Variants in PIP5K1B observed in about 807,000 individuals in gnomAD.
PIP5K1B encodes the protein phosphatidylinositol-4-phosphate 5-kinase type 1 beta.
PIP5K1B carries 42 observed loss-of-function variants against 67.0 expected under a neutral mutation model. The observed-to-expected ratio is 0.63, with a 90% CI of 0.49 to 0.81. The LOEUF (loss-of-function observed/expected upper bound fraction) is 0.81, where lower values mean the gene tolerates loss of function less well. PIP5K1B is among the 30% of genes least tolerant of loss of function. The probability of loss-of-function intolerance (pLI) is 0.00; values close to 1 mark genes in which losing one functional copy is unlikely to be tolerated. For missense variants in PIP5K1B, 459 were observed against 646.3 expected (o/e 0.71, Z 3.14); for synonymous variants, 214 against 231.4 (o/e 0.92, Z 0.68).
intron 14 of PIP5K1B, among the ~76,000 whole-genome samples, chr9:68,945,066 C>CTTT (rs575360583): frequency 3.6e-5 from 5 of 139,938 alleles, no homozygotes; most frequent in Non-Finnish European, 6.2e-5. Context: ...TGTTTGAGAC[C>CTTT]TTTTTTTTTT....
chr9:68,952,718 G>A (rs369436461), intron 14 of PIP5K1B, among the ~76,000 whole-genome samples: 49 of 151,742 alleles, frequency 3.2e-4, no homozygotes, highest in African/African-American at 9.2e-4. Flanking sequence ...TTGTCTTCTA[G>A]TTTCCAATTA....
chr9:68,735,314 G>GTATTTTTTTTTT (rs1335685051), intron 1 of PIP5K1B, among the ~76,000 whole-genome samples: 1 of 16,582 alleles, frequency 6.0e-5, no homozygotes, highest in Non-Finnish European at 1.3e-4. Context: ...TTCCCCTAGT[G>GTATTTTTTTTTT]TCTTTTTTTT....
intron 2 of PIP5K1B, among the ~76,000 whole-genome samples, chr9:68,764,482 C>T (rs1250897679): frequency 2.6e-5 from 4 of 152,036 alleles, no homozygotes; most frequent in Non-Finnish European, 5.9e-5. Context: ...AAATTTGTCT[C>T]ATGAAGTTGC....
At chr9:68,759,061 A>C (rs1244399911) in intron 2 of PIP5K1B, among the ~76,000 whole-genome samples, 2 of 152,152 alleles carry the variant, frequency 1.3e-5, no homozygotes, top group Non-Finnish European at 2.9e-5. Context: ...CATTGCCAGT[A>C]GTAGACCTTG....
At chr9:68,739,304 C>T (rs1828888603) in intron 1 of PIP5K1B, among the ~76,000 whole-genome samples, 2 of 152,194 alleles carry the variant, frequency 1.3e-5, no homozygotes, top group South Asian at 4.1e-4. Context: ...TTGTTTTCTG[C>T]TCTTATGGGA....
chr9:68,832,830 C>T (rs1487364354), intron 4 of PIP5K1B, among the ~76,000 whole-genome samples: 1 of 152,246 alleles, frequency 6.6e-6, no homozygotes, highest in Non-Finnish European at 1.5e-5. Flanking sequence ...CCAAGATGCA[C>T]TGCTGTCTAC....
chr9:68,998,988 G>A (rs1383582475), intron 15 of PIP5K1B, among the ~76,000 whole-genome samples: 2 of 152,180 alleles, frequency 1.3e-5, no homozygotes, highest in Non-Finnish European at 2.9e-5. Context: ...CTAGAGGCCG[G>A]ATGTCTGAAA....
At chr9:68,749,531 T>G (rs1829511961) in intron 2 of PIP5K1B, among the ~76,000 whole-genome samples, 1 of 152,210 alleles carries the variant, frequency 6.6e-6, no homozygotes, top group Non-Finnish European at 1.5e-5. Context: ...GTGTAATTTG[T>G]TACAGCAGCC....
chr9:68,864,324 A>G (rs1823255282), intron 5 of PIP5K1B, among the ~76,000 whole-genome samples: 1 of 152,218 alleles, frequency 6.6e-6, no homozygotes, highest in African/African-American at 2.4e-5. Flanking sequence ...TGAAGCAGCA[A>G]CTGGTGCTAG....
At chr9:68,890,817 C>T (rs1300956010) in intron 7 of PIP5K1B, among the ~76,000 whole-genome samples, 1 of 151,922 alleles carries the variant, frequency 6.6e-6, no homozygotes, top group Non-Finnish European at 1.5e-5. Context: ...AAATTAGGAT[C>T]AAATTGATAT....
chr9:68,984,624 A>G (rs897663499), intron 14 of PIP5K1B, among the ~76,000 whole-genome samples: 12 of 152,188 alleles, frequency 7.9e-5, no homozygotes, highest in South Asian at 4.1e-4. Context: ...TGGAAGCTTA[A>G]GTAGCATTAT....
chr9:68,868,676 A>C (rs1453963605), intron 5 of PIP5K1B, among the ~76,000 whole-genome samples: 1 of 152,238 alleles, frequency 6.6e-6, no homozygotes. Flanking sequence ...GCCAGCCCTA[A>C]TCTGTTCTCC....
chr9:68,925,478 A>C (rs989414259), intron 12 of PIP5K1B, among the ~76,000 whole-genome samples: 13 of 152,214 alleles, frequency 8.5e-5, no homozygotes, highest in South Asian at 6.2e-4. Flanking sequence ...TTCAACCCTT[A>C]TTCATGTTTA....
chr9:68,997,614 G>A (rs1042853139), intron 15 of PIP5K1B, among the ~76,000 whole-genome samples: 6 of 152,132 alleles, frequency 3.9e-5, no homozygotes, highest in African/African-American at 1.4e-4. Context: ...GATAAATTAG[G>A]GCCCTTGTTT....
chr9:68,845,172 A>C (rs927754136), intron 4 of PIP5K1B, among the ~76,000 whole-genome samples: 1 of 152,220 alleles, frequency 6.6e-6, no homozygotes, highest in Admixed American at 6.5e-5. Flanking sequence ...GCTGTCTCAG[A>C]GTCTCACAGC....
intron 2 of PIP5K1B, among the ~76,000 whole-genome samples, chr9:68,758,084 A>G (rs2151414): frequency 0.13 from 20,226 of 152,214 alleles, 1,518 homozygotes; most frequent in Non-Finnish European, 0.17. Context: ...CCACGGAAAG[A>G]GGTTTAGAAC....
chr9:68,914,253 C>T (rs376962251), intron 8 of PIP5K1B, among the ~76,000 whole-genome samples: 6 of 151,978 alleles, frequency 3.9e-5, no homozygotes, highest in Admixed American at 3.9e-4. Flanking sequence ...TCATGGTGTC[C>T]GGAATGTTTT....
At chr9:68,865,869 C>A (rs1436431557) in intron 5 of PIP5K1B, among the ~76,000 whole-genome samples, 1 of 152,218 alleles carries the variant, frequency 6.6e-6, no homozygotes, top group Non-Finnish European at 1.5e-5. Flanking sequence ...ACTGGCCTCG[C>A]CCATGACTTT....
chr9:68,917,474 G>GA (rs1423002352), intron 8 of PIP5K1B, 74 bp from the exon 9 acceptor site: 61 of 1,029,708 alleles, frequency 5.9e-5, no homozygotes, highest in Non-Finnish European at 8.2e-5. Context: ...TATATCTAGA[G>GA]CTCTCTGATA....
Sources: allele counts gnomAD v4.1 joint callset (sites outside exome capture counted in the v4.1 genomes callset), GRCh38; gene constraint gnomAD v4.1.1; transcripts MANE v1.5; gene names NCBI Gene and HGNC (gene_info 2026-07-23, HGNC 2026-07-21).